Variants in DENND3 observed in about 807,000 individuals in gnomAD.
DENND3 encodes DENN domain-containing protein 3.
DENND3 carries 88 observed loss-of-function variants against 135.1 expected under a neutral mutation model. The observed-to-expected ratio is 0.65, with a 90% CI of 0.55 to 0.78. The LOEUF is 0.78. DENND3 is among the 30% of genes least tolerant of loss of function. The pLI, the probability that DENND3 is intolerant of heterozygous loss-of-function variation, is 0.00. For synonymous variants in DENND3, 693 were observed against 712.3 expected (o/e 0.97, Z 0.43); for missense variants, 1,392 against 1,688.4 (o/e 0.82, Z 3.08).
intron 10 of DENND3, among the ~76,000 whole-genome samples, chr8:141,164,649 C>T (rs1820542696): frequency 6.6e-6 from 1 of 152,158 alleles, no homozygotes. Context: ...GACTGGGCAG[C>T]GGGGTATTCA....
rs759732196 is a variant in DENND3 at position 141,166,138 on chromosome 8, C to G, written c.1554-52C>G. On this transcript the variant is annotated intron_variant, in intron 11 of 22. Transcript: ENST00000519811. The surrounding 1 kb of genome is among the most constrained non-coding windows in gnomAD (Gnocchi z 4.3). ...GAAAAATGCTTAGTTTAGGCTTATT[C>G]TTCAATCATTATTGTGTCTATAAAC... 3.4e-5 allele frequency: 53 copies of G among 1,566,114 alleles called. No homozygotes were observed. The highest frequency in any genetic ancestry group is 4.4e-5 in the Non-Finnish European group (50 of 1,138,456).
intron 7 of DENND3, among the ~76,000 whole-genome samples, chr8:141,153,081 A>G (rs1818999775): frequency 6.7e-6 from 1 of 148,704 alleles, no homozygotes; most frequent in African/African-American, 2.5e-5. Context: ...TCCATTTTGA[A>G]CAATATCTTT....
chr8:141,166,113 GA>G lies in DENND3; in HGVS notation c.1554-72del. On this transcript the variant is annotated intron_variant, in intron 11 of 22. Transcript: ENST00000519811. The surrounding 1 kb of genome is among the most constrained non-coding windows in gnomAD (Gnocchi z 4.3). ...TGTCATGTGCTCTTCATCACACTGG[GA>G]AAAATGCTTAGTTTAGGCTTATTCT... 1 of 1,435,354 alleles carries G rather than the reference GA, an allele frequency of 7.0e-7. No individual in the cohort carries two copies. Among genetic ancestry groups the G allele is most frequent in the Non-Finnish European group, 9.7e-7 (1 of 1,028,190 alleles). 88.9% of individuals were successfully genotyped at this position (1,435,354 alleles called of 1,614,324 possible).
At chr8:141,156,620 T>C (rs1819471632) in intron 8 of DENND3, among the ~76,000 whole-genome samples, 1 of 152,102 alleles carries the variant, frequency 6.6e-6, no homozygotes, top group African/African-American at 2.4e-5. Context: ...ACCCGTCGTA[T>C]ACCCGGAATT....
intron 18 of DENND3, among the ~76,000 whole-genome samples, chr8:141,187,208 A>G (rs1196370592): frequency 6.6e-6 from 1 of 152,012 alleles, no homozygotes; most frequent in East Asian, 1.9e-4. Context: ...TGTGAAAAGA[A>G]CACTCCAGTG....
chr8:141,166,984 C>T lies in DENND3; in HGVS notation c.1753+595C>T, dbSNP rs1299324113. Reference sequence around the variant, plus strand: ...GTCGGGAGGCCGGGGCCTTGACCCCCAGGGCACCTGCTGCTGCTGTCTCGG... The same window carrying T: ...GTCGGGAGGCCGGGGCCTTGACCCCTAGGGCACCTGCTGCTGCTGTCTCGG... On this transcript the variant is annotated intron_variant, in intron 12 of 22. Transcript: ENST00000519811. This position sits in a 1 kb window ranked among gnomAD's most constrained non-coding sequence, Gnocchi z 4.3. 6.6e-6 allele frequency among the ~76,000 whole-genome samples: 1 copy of T among 152,188 alleles called. No individual in the cohort carries two copies. Among genetic ancestry groups the T allele is most frequent in the African/African-American group, 2.4e-5 (1 of 41,438 alleles).
chr8:141,180,894 C>G (rs1213360775), intron 17 of DENND3, 40 bp downstream of exon 17: 1 of 1,542,858 alleles, frequency 6.5e-7, no homozygotes. Context: ...CAGTTTTCAG[C>G]CAATCTGATG....
At position 141,190,500 on chromosome 8, in the gene DENND3, T is replaced by C. The variant is rs888851108; in HGVS notation, c.3379+83T>C. 3 of 1,457,836 alleles carry C rather than the reference T, an allele frequency of 2.1e-6. No homozygotes were observed. In the African/African-American group the frequency reaches 4.3e-5, roughly 21 times the overall value. 90.3% of individuals were successfully genotyped at this position (1,457,836 alleles called of 1,614,324 possible). A position where few individuals can be genotyped will look rare whatever the true frequency, so the allele number is the denominator to read the frequency against. ...ATGCTGAACGAGAGCAGAAAGCCTC[T>C]TTCCTTTGCTTCACGCCTTTCCAGT... On this transcript the variant is annotated intron_variant, in intron 20 of 22. Transcript: ENST00000519811.
At chr8:141,170,195 C>T (rs1821346409) in intron 13 of DENND3, among the ~76,000 whole-genome samples, 1 of 152,204 alleles carries the variant, frequency 6.6e-6, no homozygotes, top group African/African-American at 2.4e-5. Flanking sequence ...GGCTGCTTGT[C>T]CTTTCCTTAG....
chr8:141,168,882 G>A lies in DENND3; in HGVS notation c.2275+357G>A, dbSNP rs61035255. On this transcript the variant is annotated intron_variant, in intron 13 of 22. Coordinates refer to ENST00000519811, the MANE Select transcript of DENND3 (RefSeq NM_001352890.3). This position sits in a 1 kb window ranked among gnomAD's most constrained non-coding sequence, Gnocchi z 6.2. The stretch of plus-strand genomic sequence containing the variant: ...TTTTATTTTACTTTATTTATGAGAT[G>A]GAGTCTTGCTCTGTCTCCCAGGTTG... Among the ~76,000 whole-genome samples the A allele has an allele frequency of 0.012, 1,837 of 151,860 alleles. 39 individuals carry two copies. Among genetic ancestry groups the A allele is most frequent in the African/African-American group, 0.042 (1,735 of 41,386 alleles).
At chr8:141,145,575 T>C (rs1817930835) in intron 5 of DENND3, among the ~76,000 whole-genome samples, 1 of 151,968 alleles carries the variant, frequency 6.6e-6, no homozygotes, top group Non-Finnish European at 1.5e-5. Flanking sequence ...TATGGGAACA[T>C]TTTATATACT....
chr8:141,178,336 C>T (rs1729024435), intron 16 of DENND3, 140 bp downstream of exon 16: 5 of 1,258,760 alleles, frequency 4.0e-6, no homozygotes, highest in East Asian at 2.6e-5. Context: ...AATTTACTCT[C>T]GAGTCGCACA....
intron 16 of DENND3, 146 bp from the exon 17 acceptor site, chr8:141,180,601 C>T (rs761453423): frequency 2.1e-5 from 15 of 721,182 alleles, no homozygotes; most frequent in East Asian, 8.5e-5. Context: ...TTCAGTGCCC[C>T]GGGTCCAAGA....
intron 7 of DENND3, among the ~76,000 whole-genome samples, chr8:141,152,490 C>T (rs1443480081): frequency 2.0e-5 from 3 of 152,210 alleles, no homozygotes; most frequent in African/African-American, 7.2e-5. Flanking sequence ...ATGCGCTATC[C>T]TTCCATCTGG....
rs749686280 is a variant in DENND3, at chr8:141,192,467, G to A, written c.3498+18G>A. 6 of 1,613,812 alleles carry A rather than the reference G, an allele frequency of 3.7e-6. No homozygotes were observed. The African/African-American group carries it at 4.0e-5, about 11-fold the overall frequency. On this transcript the variant is annotated intron_variant, in intron 21 of 22. Transcript: ENST00000519811. ...TTCCTGAGGTATCCCAGCAGGGGCT[G>A]TGGGCCCAGCATGTGCGTGGCCCGG...
intron 17 of DENND3, among the ~76,000 whole-genome samples, chr8:141,181,190 T>TG (rs1823052067): frequency 6.6e-6 from 1 of 152,138 alleles, no homozygotes; most frequent in Admixed American, 6.5e-5. Context: ...GACGGAGTCT[T>TG]GCTCTGTCAC....
chr8:141,130,644 A>T lies in DENND3; in HGVS notation c.102+1835A>T, dbSNP rs1815916301. ...CAAACATATGATTTTATTTATTTAG[A>T]TGTTTTTTCGGCGGTTCTATTTTGA... On this transcript the variant is annotated intron_variant, in intron 1 of 22. Coordinates refer to ENST00000519811, the MANE Select transcript of DENND3 (RefSeq NM_001352890.3). This position sits in a 1 kb window ranked among gnomAD's most constrained non-coding sequence, Gnocchi z 4.2. Among the ~76,000 whole-genome samples, 1 of 143,472 alleles carries T rather than the reference A, an allele frequency of 7.0e-6. No homozygotes were observed. Among genetic ancestry groups the T allele is most frequent in the Non-Finnish European group, 1.5e-5 (1 of 66,254 alleles). 94.1% of individuals were successfully genotyped at this position (143,472 alleles called of 152,430 possible).
intron 18 of DENND3, 86 bp downstream of exon 18, chr8:141,185,364 G>A: frequency 6.4e-7 from 1 of 1,550,714 alleles, no homozygotes; most frequent in Non-Finnish European, 8.8e-7. Flanking sequence ...TCGACAGTAG[G>A]ATACAAGCTA....
intron 18 of DENND3, among the ~76,000 whole-genome samples, chr8:141,187,759 TA>T (rs1361502986): frequency 6.6e-6 from 1 of 152,086 alleles, no homozygotes; most frequent in Admixed American, 6.5e-5. Flanking sequence ...CCTCAGATGA[TA>T]AAGTAATAGG....
Sources: gnomAD v4.1 joint callset for allele counts (sites outside exome capture counted in the v4.1 genomes callset) on GRCh38, gnomAD v4.1.1 for gene constraint, Gnocchi (gnomAD v3.1) non-coding constraint, MANE v1.5 for transcripts, NCBI Gene and HGNC (gene_info 2026-07-23, HGNC 2026-07-21) for gene names.